Variants in PTPRT observed in about 807,000 individuals in gnomAD.
PTPRT encodes the protein receptor-type tyrosine-protein phosphatase T.
Under a neutral mutation model 176.8 loss-of-function variants are expected in PTPRT, and 56 were observed. That is an observed-to-expected ratio of 0.32 (90% confidence interval 0.26 to 0.40). PTPRT has a LOEUF of 0.40. Among genes scored for constraint, PTPRT ranks in the 10% least tolerant of loss-of-function variants. The pLI, the probability that PTPRT is intolerant of heterozygous loss-of-function variation, is 1.00. For synonymous variants in PTPRT, 783 were observed against 739.0 expected, an observed-to-expected ratio of 1.06 and a Z score of -0.96; for missense variants, 1,540 against 1,908.2, an observed-to-expected ratio of 0.81 and a Z score of 3.60.
At chr20:42,530,193 G>A (rs1029038561) in intron 7 of PTPRT, among the ~76,000 whole-genome samples, 10 of 152,192 alleles carry the variant, frequency 6.6e-5, no homozygotes, top group Non-Finnish European at 1.3e-4. Context: ...GAAATTAGAA[G>A]TGGTTCACTG....
chr20:42,491,275 A>T (rs1340525220), intron 7 of PTPRT, among the ~76,000 whole-genome samples: 1 of 152,186 alleles, frequency 6.6e-6, no homozygotes, highest in Non-Finnish European at 1.5e-5. Flanking sequence ...CTAAGCGACT[A>T]ATAAGTGAGT....
At chr20:42,815,622 T>C (rs1338587715) in intron 2 of PTPRT, among the ~76,000 whole-genome samples, 2 of 152,258 alleles carry the variant, frequency 1.3e-5, no homozygotes, top group East Asian at 3.9e-4. Context: ...AAAATAAATA[T>C]TTTCAGTCAA....
chr20:42,579,075 C>A (rs2073322969), intron 7 of PTPRT, among the ~76,000 whole-genome samples: 1 of 117,546 alleles, frequency 8.5e-6, no homozygotes, highest in Non-Finnish European at 1.6e-5. Flanking sequence ...CACCCCACAA[C>A]AGGCCCTGGT....
chr20:42,823,055 G>A (rs1046189307), intron 2 of PTPRT, among the ~76,000 whole-genome samples: 2 of 152,182 alleles, frequency 1.3e-5, no homozygotes, highest in Middle Eastern at 3.4e-3. Context: ...CCAGAGGAAC[G>A]CAAATCATTC....
chr20:42,794,652 T>C (rs188238834), intron 2 of PTPRT, among the ~76,000 whole-genome samples: 1 of 152,138 alleles, frequency 6.6e-6, no homozygotes, highest in Admixed American at 6.5e-5. Context: ...GGATTTTAAG[T>C]AAAAAGGGAA....
At chr20:42,354,178 C>T (rs1051917991) in intron 9 of PTPRT, among the ~76,000 whole-genome samples, 12 of 152,162 alleles carry the variant, frequency 7.9e-5, no homozygotes, top group African/African-American at 2.4e-4. Context: ...AGGCCCAAAA[C>T]GTTTTCCTCA....
At chr20:42,202,983 C>T (rs1004804888) in intron 15 of PTPRT, among the ~76,000 whole-genome samples, 4 of 152,074 alleles carry the variant, frequency 2.6e-5, no homozygotes, top group African/African-American at 9.7e-5. Context: ...ATCCCCAAAA[C>T]ACATATTTAA....
rs777761268 is a variant in PTPRT, at chr20:42,577,923, CTGTGTGTG to C, written c.1153+99935_1153+99942del. Among the ~76,000 whole-genome samples, 398 of 111,320 alleles carry C rather than the reference CTGTGTGTG, an allele frequency of 3.6e-3. 5 individuals carry two copies. The highest frequency in any genetic ancestry group is 0.026 in the East Asian group (92 of 3,490). The allele number at this position is 111,320 out of a possible 152,430, so 73.0% of individuals were successfully genotyped here. ...GAAAAACCTTCAGACCTGAGCGAGGCTGTGTGTGTGTGTGTGTGTGTGTGTGTGTGTGT... is the reference window on the plus strand; with the variant it reads ...GAAAAACCTTCAGACCTGAGCGAGGCTGTGTGTGTGTGTGTGTGTGTGTGT... On this transcript the variant is annotated intron_variant, in intron 7 of 30. Transcript: ENST00000373187.
Position 43,189,736 on chromosome 20 carries a change from G to T in PTPRT, c.-3C>A. ...GCGAGCGCGGCGAGGCTCGCCATCCGGGCGGCGGCGGGCAGCTCAGCCCCT... is the reference window on the plus strand; with the variant it reads ...GCGAGCGCGGCGAGGCTCGCCATCCTGGCGGCGGCGGGCAGCTCAGCCCCT... On this transcript the variant is annotated 5_prime_UTR_variant, in exon 1 of 31. Transcript: ENST00000373187. This position sits in a 1 kb window ranked among gnomAD's most constrained non-coding sequence, Gnocchi z 5.0. 4 of 1,232,758 alleles carry T rather than the reference G, an allele frequency of 3.2e-6. No individual in the cohort carries two copies. The highest frequency in any genetic ancestry group is 4.0e-6 in the Non-Finnish European group (4 of 988,802). The allele number at this position is 1,232,758 out of a possible 1,614,324, so 76.4% of individuals were successfully genotyped here. A position where few individuals can be genotyped will look rare whatever the true frequency, so the allele number is the denominator to read the frequency against.
intron 1 of PTPRT, among the ~76,000 whole-genome samples, chr20:42,917,177 T>C (rs1248181089): frequency 6.6e-6 from 1 of 152,186 alleles, no homozygotes; most frequent in African/African-American, 2.4e-5. Context: ...GCTTTCTACA[T>C]ATGGCTAGCC....
chr20:42,110,620 T>C (rs1177372853), intron 22 of PTPRT, 133 bp from the exon 23 acceptor site: 3 of 884,976 alleles, frequency 3.4e-6, no homozygotes, highest in African/African-American at 3.3e-5. Context: ...TGTTAATAGG[T>C]GTTACTGGAT....
intron 7 of PTPRT, among the ~76,000 whole-genome samples, chr20:42,609,035 G>A (rs956794927): frequency 7.2e-5 from 11 of 152,042 alleles, no homozygotes; most frequent in South Asian, 2.1e-4. Context: ...CACCCACCCC[G>A]TCTCTATGAG....
chr20:42,549,316 G>A (rs79968837), intron 7 of PTPRT, among the ~76,000 whole-genome samples: 12,236 of 152,056 alleles, frequency 0.08, 845 homozygotes, highest in East Asian at 0.23. Flanking sequence ...AAAAAAGGGT[G>A]AAGTAGAATG....
At chr20:42,852,343 AT>A (rs944006706) in intron 2 of PTPRT, among the ~76,000 whole-genome samples, 7 of 151,746 alleles carry the variant, frequency 4.6e-5, no homozygotes, top group South Asian at 4.2e-4. Context: ...TTGTTCCTGC[AT>A]TTTTTTTATC....
chr20:42,650,395 C>T (rs375775366), intron 7 of PTPRT, among the ~76,000 whole-genome samples: 5 of 152,192 alleles, frequency 3.3e-5, no homozygotes, highest in African/African-American at 1.2e-4. Flanking sequence ...TACATATGCC[C>T]TCCTCCATCT....
At chr20:42,227,162 G>A (rs2056031988) in intron 15 of PTPRT, among the ~76,000 whole-genome samples, 1 of 151,760 alleles carries the variant, frequency 6.6e-6, no homozygotes, top group East Asian at 1.9e-4. Context: ...GTAGATAAAA[G>A]GGAAGAGGAG....
intron 7 of PTPRT, among the ~76,000 whole-genome samples, chr20:42,667,471 T>C (rs1034630625): frequency 6.6e-6 from 1 of 152,250 alleles, no homozygotes; most frequent in Admixed American, 6.5e-5. Flanking sequence ...TACATTGTCA[T>C]CTCAAGTGTG....
At chr20:42,697,471 C>T (rs1327680409) in intron 6 of PTPRT, among the ~76,000 whole-genome samples, 2 of 152,078 alleles carry the variant, frequency 1.3e-5, no homozygotes, top group African/African-American at 2.4e-5. Context: ...GCAAATTACT[C>T]GAAAGGAAGA....
intron 1 of PTPRT, among the ~76,000 whole-genome samples, chr20:43,160,809 T>C (rs1171444264): frequency 1.3e-5 from 2 of 152,160 alleles, no homozygotes; most frequent in African/African-American, 2.4e-5. Flanking sequence ...TATAAGGGAC[T>C]TTAAGATATT....
Sources: gnomAD v4.1 joint callset for allele counts (sites outside exome capture counted in the v4.1 genomes callset) on GRCh38, gnomAD v4.1.1 for gene constraint, Gnocchi (gnomAD v3.1) non-coding constraint, MANE v1.5 for transcripts, NCBI Gene and HGNC (gene_info 2026-07-23, HGNC 2026-07-21) for gene names.